CUEDC1: variants seen among roughly 807,000 people sequenced by gnomAD.
The protein encoded by CUEDC1 is CUE domain containing 1.
In CUEDC1, 30 loss-of-function variants were observed where a neutral mutation model predicts 43.7. The observed-to-expected ratio is 0.69, with a 90% CI of 0.51 to 0.93. The LOEUF is 0.93. Among genes scored for constraint, CUEDC1 ranks in the 40% least tolerant of loss-of-function variants. The pLI is 0.00. For synonymous variants in CUEDC1, 223 were observed against 223.6 expected (o/e 1.00, Z 0.02); for missense variants, 486 against 549.0 (o/e 0.89, Z 1.15).
intron 1 of CUEDC1, among the ~76,000 whole-genome samples, chr17:57,921,166 A>G (rs1355670287): frequency 2.6e-5 from 4 of 152,236 alleles, no homozygotes; most frequent in African/African-American, 9.6e-5. Flanking sequence ...CTGGAAGACA[A>G]CAGTCCAGAC....
intron 1 of CUEDC1, among the ~76,000 whole-genome samples, chr17:57,920,638 T>C (rs1394070850): frequency 2.7e-5 from 4 of 149,424 alleles, no homozygotes; most frequent in South Asian, 2.1e-4. Context: ...TTTTCTTTTT[T>C]TTTTTTTTTT....
chr17:57,952,951 G>C (rs2075022103), intron 1 of CUEDC1, among the ~76,000 whole-genome samples: 1 of 152,080 alleles, frequency 6.6e-6, no homozygotes. Flanking sequence ...AGAAAGGAAA[G>C]GCAGGCCAGG....
In CUEDC1 at chr17:57,868,411, C is replaced by T. The variant is rs1338806804; in HGVS notation, c.941-168G>A. The stretch of plus-strand genomic sequence containing the variant: ...GAGAGATGACAGGAATCGCAGACCC[C>T]TGAGGACGCCACCCCAGGAGCAAGA... On this transcript the variant is annotated intron_variant, in intron 7 of 10. Coordinates refer to ENST00000577830, the MANE Select transcript of CUEDC1 (RefSeq NM_001271875.2). The T allele has an allele frequency of 1.4e-5, 9 of 633,232 alleles. No individual in the cohort carries two copies. In the East Asian group the frequency reaches 1.6e-4, roughly 12 times the overall value. The allele number at this position is 633,232 out of a possible 1,614,324, so 39.2% of individuals were successfully genotyped here. A position where few individuals can be genotyped will look rare whatever the true frequency, so the allele number is the denominator to read the frequency against.
intron 1 of CUEDC1, among the ~76,000 whole-genome samples, chr17:57,945,466 A>C (rs2074951824): frequency 6.6e-6 from 1 of 152,260 alleles, no homozygotes; most frequent in South Asian, 2.1e-4. Flanking sequence ...ATTCATGCAA[A>C]GACATCCGCA....
chr17:57,921,222 C>G (rs780128676), intron 1 of CUEDC1, among the ~76,000 whole-genome samples: 1 of 151,600 alleles, frequency 6.6e-6, no homozygotes, highest in African/African-American at 2.4e-5. Context: ...CCTCCACGGG[C>G]CTGTGTTTCC....
At chr17:57,895,953 G>A (rs2074403490) in intron 1 of CUEDC1, among the ~76,000 whole-genome samples, 1 of 152,214 alleles carries the variant, frequency 6.6e-6, no homozygotes, top group Non-Finnish European at 1.5e-5. Flanking sequence ...GGCCCCCCCA[G>A]TAGGCTGAGT....
intron 3 of CUEDC1, among the ~76,000 whole-genome samples, chr17:57,875,709 G>C (rs1334768247): frequency 6.6e-6 from 1 of 152,014 alleles, no homozygotes; most frequent in East Asian, 1.9e-4. Flanking sequence ...GGAGGGGAAG[G>C]AGGGAGAAGC....
intron 1 of CUEDC1, among the ~76,000 whole-genome samples, chr17:57,896,781 T>C (rs2074415621): frequency 7.0e-6 from 1 of 143,172 alleles, no homozygotes; most frequent in South Asian, 2.3e-4. Context: ...TTTTTTTTTT[T>C]TTTTTTTGAG....
intron 1 of CUEDC1, among the ~76,000 whole-genome samples, chr17:57,905,290 A>ACACACACACT (rs1007711626): frequency 6.2e-5 from 9 of 145,704 alleles, no homozygotes; most frequent in African/African-American, 2.0e-4. Flanking sequence ...ACACACACAC[A>ACACACACACT]CTCCAGCCTG....
chr17:57,896,488 G>GTA (rs56246421), intron 1 of CUEDC1, among the ~76,000 whole-genome samples: 29 of 36,058 alleles, frequency 8.0e-4, no homozygotes, highest in Admixed American at 5.5e-3. Context: ...GCATTATGGG[G>GTA]TGTGTGTGTG....
chr17:57,897,393 G>C lies in CUEDC1; in HGVS notation c.-315-11514C>G, dbSNP rs981213382. On this transcript the variant is annotated intron_variant, in intron 1 of 10. Coordinates refer to ENST00000577830, the MANE Select transcript of CUEDC1 (RefSeq NM_001271875.2). Reference sequence around the variant, plus strand: ...TCTCTAATTAAAAGTTTTTCTAGCCGGGCGCAGTGGCTCACGCCTGTAATC... The same window carrying C: ...TCTCTAATTAAAAGTTTTTCTAGCCCGGCGCAGTGGCTCACGCCTGTAATC... Among the ~76,000 whole-genome samples, 3 of 152,142 alleles carry C rather than the reference G, an allele frequency of 2.0e-5. No homozygotes were observed. In the East Asian group the frequency reaches 5.8e-4, roughly 29 times the overall value.
At chr17:57,919,436 T>G (rs1475980679) in intron 1 of CUEDC1, among the ~76,000 whole-genome samples, 1 of 152,190 alleles carries the variant, frequency 6.6e-6, no homozygotes, top group African/African-American at 2.4e-5. Context: ...CTCCCTGGCC[T>G]CCCAAAGTGC....
intron 10 of CUEDC1, among the ~76,000 whole-genome samples, chr17:57,865,921 C>G (rs2073951178): frequency 6.6e-6 from 1 of 151,042 alleles, no homozygotes; most frequent in Admixed American, 6.6e-5. Flanking sequence ...CTCCCAGATT[C>G]AAGTGATTCT....
At chr17:57,889,146 C>A (rs2074329492) in intron 1 of CUEDC1, among the ~76,000 whole-genome samples, 1 of 152,218 alleles carries the variant, frequency 6.6e-6, no homozygotes, top group Admixed American at 6.5e-5. Context: ...GGCCCTAAGC[C>A]CTCATCTGGA....
intron 1 of CUEDC1, among the ~76,000 whole-genome samples, chr17:57,906,067 G>A (rs1313012173): frequency 6.6e-6 from 1 of 152,188 alleles, no homozygotes; most frequent in Non-Finnish European, 1.5e-5. Context: ...GTTAAACACA[G>A]AATTACCATA....
chr17:57,884,626 T>C (rs1038673564), intron 2 of CUEDC1, among the ~76,000 whole-genome samples: 4 of 152,222 alleles, frequency 2.6e-5, no homozygotes, highest in African/African-American at 9.6e-5. Flanking sequence ...TCCCAGACTC[T>C]GCACAAGCTG....
intron 3 of CUEDC1, 54 bp downstream of exon 3, chr17:57,879,557 G>A: frequency 6.5e-7 from 1 of 1,526,952 alleles, no homozygotes; most frequent in South Asian, 1.3e-5. Flanking sequence ...CACAGCCCCA[G>A]CCACTGATCC....
chr17:57,953,710 G>A (rs998492756), intron 1 of CUEDC1, among the ~76,000 whole-genome samples: 2 of 152,180 alleles, frequency 1.3e-5, no homozygotes, highest in African/African-American at 4.8e-5. Context: ...AGTTGGCCTG[G>A]CCCAGGAGCT....
intron 1 of CUEDC1, among the ~76,000 whole-genome samples, chr17:57,890,294 TTTCAGCACAG>T (rs2074341410): frequency 6.6e-6 from 1 of 152,188 alleles, no homozygotes; most frequent in Non-Finnish European, 1.5e-5. Flanking sequence ...CCAGAGGACA[TTTCAGCACAG>T]GAAACATGAC....
Sources: gnomAD v4.1 joint callset for allele counts (sites outside exome capture counted in the v4.1 genomes callset) on GRCh38, gnomAD v4.1.1 for gene constraint, MANE v1.5 for transcripts, NCBI Gene and HGNC (gene_info 2026-07-23, HGNC 2026-07-21) for gene names.